HDAC4: variants seen among roughly 807,000 people sequenced by gnomAD.
HDAC4 encodes histone deacetylase 4, also known as histone deacetylase A.
HDAC4 carries 16 observed loss-of-function variants against 135.1 expected under a neutral mutation model. That is an observed-to-expected ratio of 0.12 (90% CI 0.08 to 0.18). The LOEUF is 0.18. Among genes scored for constraint, HDAC4 ranks in the 10% least tolerant of loss-of-function variants. The probability of loss-of-function intolerance (pLI) is 1.00; values close to 1 mark genes in which losing one functional copy is unlikely to be tolerated. For missense variants in HDAC4, 1,143 were observed against 1,511.8 expected (o/e 0.76, Z 4.05); for synonymous variants, 685 against 653.4 (o/e 1.05, Z -0.74).
intron 13 of HDAC4, 111 bp from the exon 14 acceptor site, chr2:239,111,823 A>G (rs1575067419): frequency 1.0e-6 from 1 of 1,003,202 alleles, no homozygotes; most frequent in Non-Finnish European, 1.5e-6. Context: ...CAGGCCATAC[A>G]TGGGCCACAA....
At chr2:239,222,864 T>C (rs1474083239) in intron 3 of HDAC4, among the ~76,000 whole-genome samples, 2 of 152,160 alleles carry the variant, frequency 1.3e-5, no homozygotes, top group Non-Finnish European at 2.9e-5. Flanking sequence ...AGACGGGAGA[T>C]GCAGCCAGTA....
At chr2:239,397,334 T>C (rs1696628753) in intron 1 of HDAC4, among the ~76,000 whole-genome samples, 1 of 152,108 alleles carries the variant, frequency 6.6e-6, no homozygotes, top group Non-Finnish European at 1.5e-5. Flanking sequence ...ACCTACATGG[T>C]GAGTGCATGA....
At chr2:239,124,174 T>A (rs1408852253) in intron 12 of HDAC4, among the ~76,000 whole-genome samples, 1 of 152,222 alleles carries the variant, frequency 6.6e-6, no homozygotes, top group Non-Finnish European at 1.5e-5. Flanking sequence ...ACCATCCAAT[T>A]CACGCTTTTA....
At chr2:239,231,463 A>AG (rs68171021) in intron 3 of HDAC4, among the ~76,000 whole-genome samples, 3 of 151,586 alleles carry the variant, frequency 2.0e-5, no homozygotes, top group Non-Finnish European at 4.4e-5. Flanking sequence ...CTGTAGGAGC[A>AG]GTGGGGGGCA....
In HDAC4 at chr2:239,346,742, CCT is replaced by C. The variant is rs149503967; in HGVS notation, c.22+5934_22+5935del. Among the ~76,000 whole-genome samples the C allele has an allele frequency of 5.0e-4, 69 of 138,508 alleles. 1 individual carries two copies. The East Asian group carries it at 7.7e-3, about 16-fold the overall frequency. 90.9% of individuals were successfully genotyped at this position (138,508 alleles called of 152,430 possible). A position where few individuals can be genotyped will look rare whatever the true frequency, so the allele number is the denominator to read the frequency against. On this transcript the variant is annotated intron_variant, in intron 2 of 26. Transcript: ENST00000543185. ...CTAACACACACGCTCTAAAACACAC[CCT>C]GACACACACACCCTGTCTAAACACA...
intron 2 of HDAC4, among the ~76,000 whole-genome samples, chr2:239,339,030 A>C (rs1692124496): frequency 6.6e-6 from 1 of 152,266 alleles, no homozygotes; most frequent in African/African-American, 2.4e-5. Flanking sequence ...TATTTAGTTT[A>C]CATAAAATCA....
intron 1 of HDAC4, among the ~76,000 whole-genome samples, chr2:239,396,602 T>C (rs888803640): frequency 6.6e-6 from 1 of 152,232 alleles, no homozygotes; most frequent in Non-Finnish European, 1.5e-5. Flanking sequence ...CATGCTCTCC[T>C]TATTGGTCTG....
At chr2:239,194,956 C>T (rs1241397946) in intron 3 of HDAC4, among the ~76,000 whole-genome samples, 3 of 152,176 alleles carry the variant, frequency 2.0e-5, no homozygotes, top group African/African-American at 4.8e-5. Context: ...GCTCGGTGCG[C>T]GTCTCCCTAC....
At chr2:239,213,920 A>G (rs1457830689) in intron 3 of HDAC4, among the ~76,000 whole-genome samples, 3 of 152,348 alleles carry the variant, frequency 2.0e-5, no homozygotes, top group African/African-American at 4.8e-5. Flanking sequence ...TCCCCATTTC[A>G]CAGATGTGGA....
intron 24 of HDAC4, among the ~76,000 whole-genome samples, 168 bp from the exon 25 acceptor site, chr2:239,055,001 T>TTA (rs1553600360): frequency 2.6e-5 from 4 of 151,542 alleles, no homozygotes; most frequent in African/African-American, 9.7e-5. Context: ...GCCGTGGTAT[T>TTA]TATAATTTTT....
Position 239,048,203 on chromosome 2 carries a change from C to T in HDAC4, c.*4894G>A, listed in dbSNP as rs574794826. The T allele has an allele frequency of 6.6e-6, 1 of 152,412 alleles. No individual in the cohort carries two copies. Among genetic ancestry groups the T allele is most frequent in the Non-Finnish European group, 1.5e-5 (1 of 68,062 alleles). The allele number at this position is 152,412 out of a possible 1,614,324, so 9.4% of individuals were successfully genotyped here. A position where few individuals can be genotyped will look rare whatever the true frequency, so the allele number is the denominator to read the frequency against. ...AGTAACGCAGTCTTTATTTACACCA[C>T]AAGATAACACGTTGCGTGATGTGGT... On this transcript the variant is annotated 3_prime_UTR_variant, in exon 27 of 27. Coordinates refer to ENST00000543185, the MANE Select transcript of HDAC4 (RefSeq NM_001378414.1).
In HDAC4 at chr2:239,260,235, C is replaced by T. The variant is rs541795893; in HGVS notation, c.23-23571G>A. On this transcript the variant is annotated intron_variant, in intron 2 of 26. Transcript: ENST00000543185. ...TCTCTTGCACACACGCACACACACACGCTCATGCAAAAGCATCGCATGGTG... is the reference window on the plus strand; with the variant it reads ...TCTCTTGCACACACGCACACACACATGCTCATGCAAAAGCATCGCATGGTG... Among the ~76,000 whole-genome samples the T allele has an allele frequency of 3.9e-3, 593 of 152,328 alleles. 7 individuals are homozygous for T. The highest frequency in any genetic ancestry group is 6.1e-3 in the Non-Finnish European group (417 of 68,024).
At chr2:239,365,483 C>G (rs1034696656) in intron 1 of HDAC4, among the ~76,000 whole-genome samples, 2 of 152,226 alleles carry the variant, frequency 1.3e-5, no homozygotes, top group East Asian at 3.8e-4. Flanking sequence ...CCCTCTGATT[C>G]TGGAACGTTC....
intron 1 of HDAC4, among the ~76,000 whole-genome samples, chr2:239,379,083 G>A (rs774243129): frequency 3.3e-5 from 5 of 152,190 alleles, no homozygotes; most frequent in East Asian, 1.9e-4. Flanking sequence ...GGGAAGAAAC[G>A]CTCCTCAGGC....
chr2:239,113,359 A>G (rs544286530), intron 13 of HDAC4, among the ~76,000 whole-genome samples: 20 of 152,350 alleles, frequency 1.3e-4, no homozygotes, highest in African/African-American at 4.8e-4. Context: ...CAGCACCCAC[A>G]GGCCCCCAGT....
At chr2:239,326,570 A>C (rs189430748) in intron 2 of HDAC4, among the ~76,000 whole-genome samples, 1 of 152,358 alleles carries the variant, frequency 6.6e-6, no homozygotes, top group Admixed American at 6.5e-5. Flanking sequence ...AAATTAATAT[A>C]CATGTTGGTA....
chr2:239,129,789 A>T (rs770406801), intron 11 of HDAC4, among the ~76,000 whole-genome samples: 1 of 152,220 alleles, frequency 6.6e-6, no homozygotes, highest in Non-Finnish European at 1.5e-5. Flanking sequence ...CCGAGTGAGC[A>T]TGCTGGAATG....
At chr2:239,100,390 GTTTAA>G (rs1477727051) in intron 16 of HDAC4, among the ~76,000 whole-genome samples, 1 of 152,216 alleles carries the variant, frequency 6.6e-6, no homozygotes, top group Non-Finnish European at 1.5e-5. Context: ...GCGGTCAGGT[GTTTAA>G]TTTTTGTCTT....
In HDAC4 at chr2:239,357,888, C is replaced by CAAAA. The variant is rs71043188; in HGVS notation, c.-219-4974_-219-4971dup. On this transcript the variant is annotated intron_variant, in intron 1 of 26. Coordinates refer to ENST00000543185, the MANE Select transcript of HDAC4 (RefSeq NM_001378414.1). ...TGGGTGACAGAGCAAGCCTCTGTTC[C>CAAAA]AAAAAAAAAAAAAAAAAAAAAAAAA... Among the ~76,000 whole-genome samples, 131 of 55,636 alleles carry CAAAA rather than the reference C, an allele frequency of 2.4e-3. 5 individuals are homozygous for CAAAA. Among genetic ancestry groups the CAAAA allele is most frequent in the African/African-American group, 9.1e-3 (105 of 11,510 alleles). The allele number at this position is 55,636 out of a possible 152,430, so 36.5% of individuals were successfully genotyped here.
Sources: allele counts gnomAD v4.1 joint callset (sites outside exome capture counted in the v4.1 genomes callset), GRCh38; gene constraint gnomAD v4.1.1; transcripts MANE v1.5; gene names NCBI Gene and HGNC (gene_info 2026-07-23, HGNC 2026-07-21).